RNF175: variants seen among roughly 807,000 people sequenced by gnomAD.
RNF175 encodes ring finger protein 175.
RNF175 carries 38 observed loss-of-function variants against 50.0 expected under a neutral mutation model. The observed-to-expected ratio is 0.76, with a 90% CI of 0.59 to 1.00. The LOEUF is 1.00. Ranked by LOEUF, RNF175 falls within the 50% of genes least tolerant of loss-of-function variation. The pLI is 0.00. For missense variants in RNF175, 388 were observed against 409.6 expected (o/e 0.95, Z 0.46); for synonymous variants, 155 against 146.1 (o/e 1.06, Z -0.44).
intron 3 of RNF175, among the ~76,000 whole-genome samples, chr4:153,742,628 T>C (rs983091861): frequency 6.6e-6 from 1 of 152,110 alleles, no homozygotes; most frequent in African/African-American, 2.4e-5. Context: ...ACTAGTGAGG[T>C]TGGATTCTAG....
intron 3 of RNF175, among the ~76,000 whole-genome samples, chr4:153,740,501 G>A (rs766729626): frequency 3.8e-4 from 58 of 152,020 alleles, no homozygotes; most frequent in Non-Finnish European, 4.0e-4. Flanking sequence ...CATTCAATAC[G>A]TTTATGTTAA....
At chr4:153,758,922 A>G (rs941310340) in intron 1 of RNF175, among the ~76,000 whole-genome samples, 7 of 152,312 alleles carry the variant, frequency 4.6e-5, no homozygotes, top group Non-Finnish European at 1.5e-5. Context: ...GTTAGTCAGG[A>G]GCAAGCCCTT....
intron 1 of RNF175, among the ~76,000 whole-genome samples, chr4:153,756,083 T>G (rs1056703446): frequency 6.6e-6 from 1 of 152,208 alleles, no homozygotes; most frequent in Admixed American, 6.5e-5. Flanking sequence ...GGCATTTACT[T>G]TCTTTTTTAT....
At chr4:153,723,618 T>C (rs1480791657) in intron 4 of RNF175, among the ~76,000 whole-genome samples, 160 bp from the exon 5 acceptor site, 1 of 152,264 alleles carries the variant, frequency 6.6e-6, no homozygotes, top group African/African-American at 2.4e-5. Context: ...CAGATGTATA[T>C]AGCAATAAGC....
intron 6 of RNF175, among the ~76,000 whole-genome samples, chr4:153,716,901 T>C (rs1334310373): frequency 6.6e-6 from 1 of 152,252 alleles, no homozygotes; most frequent in Non-Finnish European, 1.5e-5. Flanking sequence ...CAATTGATTA[T>C]AGATATTAAT....
At chr4:153,755,646 T>A (rs1740524504) in intron 1 of RNF175, among the ~76,000 whole-genome samples, 1 of 139,344 alleles carries the variant, frequency 7.2e-6, no homozygotes, top group Admixed American at 7.2e-5. Context: ...GGCTAGGAAA[T>A]CTCCTCACAT....
intron 8 of RNF175, among the ~76,000 whole-genome samples, chr4:153,711,891 C>A (rs1372485200): frequency 1.3e-5 from 2 of 152,120 alleles, no homozygotes; most frequent in African/African-American, 4.8e-5. Context: ...CTGATCAACT[C>A]TGTAAATCTT....
At chr4:153,750,349 C>CTACT (rs1740218868) in intron 2 of RNF175, among the ~76,000 whole-genome samples, 1 of 152,192 alleles carries the variant, frequency 6.6e-6, no homozygotes, top group African/African-American at 2.4e-5. Flanking sequence ...ATTTCTACAG[C>CTACT]TACTCCAAAG....
chr4:153,759,870 C>A lies in RNF175; in HGVS notation c.-8G>T, dbSNP rs950047847. On this transcript the variant is annotated 5_prime_UTR_variant, in exon 1 of 9. Transcript: ENST00000347063. ...CGCCGTCCCCGCGGCCATGCCTGAG[C>A]CACTGTGCCTTCTCCAGGGCACAGC... 7.0e-7 allele frequency: 1 copy of A among 1,433,948 alleles called. No individual in the cohort carries two copies. 88.8% of individuals were successfully genotyped at this position (1,433,948 alleles called of 1,614,324 possible).
intron 1 of RNF175, among the ~76,000 whole-genome samples, chr4:153,757,065 C>A (rs1740601993): frequency 6.6e-6 from 1 of 152,196 alleles, no homozygotes. Context: ...CCCCTGCACA[C>A]CCTCTGCTCC....
chr4:153,715,193 C>T (rs1737829049), intron 7 of RNF175: 1 of 376,046 alleles, frequency 2.7e-6, no homozygotes, highest in Admixed American at 3.7e-5. Flanking sequence ...CACCTCCAAA[C>T]CCCTTCTTTC....
chr4:153,718,383 G>GAC (rs141828140), intron 6 of RNF175, among the ~76,000 whole-genome samples: 32 of 150,408 alleles, frequency 2.1e-4, no homozygotes, highest in East Asian at 1.2e-3. Context: ...AGTGTCTGTG[G>GAC]ACACACACAC....
intron 3 of RNF175, 120 bp downstream of exon 3, chr4:153,748,525 A>G: frequency 1.2e-6 from 1 of 862,504 alleles, no homozygotes; most frequent in African/African-American, 1.7e-5. Flanking sequence ...GTTGAGAACC[A>G]CTGACTTAAA....
At chr4:153,711,642 T>C (rs915293722) in intron 8 of RNF175, among the ~76,000 whole-genome samples, 2 of 152,236 alleles carry the variant, frequency 1.3e-5, no homozygotes, top group African/African-American at 4.8e-5. Flanking sequence ...AGATGGTACT[T>C]GGCAGGTTGA....
At position 153,759,964 on chromosome 4, in the gene RNF175, G is replaced by A; in HGVS notation, c.-102C>T. 1 of 646,234 alleles carries A rather than the reference G, an allele frequency of 1.5e-6. No individual in the cohort carries two copies. The highest frequency in any genetic ancestry group is 2.3e-6 in the Non-Finnish European group (1 of 442,392). 40.0% of individuals were successfully genotyped at this position (646,234 alleles called of 1,614,324 possible). Reference sequence around the variant, plus strand: ...GCGGGGCCTCGGGAGCCGAGGGTGAGAGCCGGATCTGCGGCGGCGGCGGAG... The same window carrying A: ...GCGGGGCCTCGGGAGCCGAGGGTGAAAGCCGGATCTGCGGCGGCGGCGGAG... On this transcript the variant is annotated 5_prime_UTR_variant, in exon 1 of 9. Coordinates refer to ENST00000347063, the MANE Select transcript of RNF175 (RefSeq NM_173662.4).
At chr4:153,732,146 T>C (rs1036814250) in intron 3 of RNF175, among the ~76,000 whole-genome samples, 1 of 151,850 alleles carries the variant, frequency 6.6e-6, no homozygotes, top group African/African-American at 2.4e-5. Context: ...GCGTGAGAGT[T>C]GTTTGAACCT....
At chr4:153,725,245 G>A (rs923206008) in intron 4 of RNF175, among the ~76,000 whole-genome samples, 3 of 152,248 alleles carry the variant, frequency 2.0e-5, no homozygotes, top group South Asian at 2.1e-4. Flanking sequence ...GGCTTTTGGC[G>A]TCTTTCTGCC....
chr4:153,744,731 T>C (rs1044551092), intron 3 of RNF175, among the ~76,000 whole-genome samples: 1 of 152,236 alleles, frequency 6.6e-6, no homozygotes, highest in Non-Finnish European at 1.5e-5. Flanking sequence ...AGTTAAGATA[T>C]GTTTAAAGAA....
chr4:153,758,463 G>T (rs1165443336), intron 1 of RNF175, among the ~76,000 whole-genome samples: 1 of 152,196 alleles, frequency 6.6e-6, no homozygotes, highest in East Asian at 1.9e-4. Context: ...CCTGAGGGCA[G>T]CAGACTAGGC....
Sources: allele counts gnomAD v4.1 joint callset (sites outside exome capture counted in the v4.1 genomes callset), GRCh38; gene constraint gnomAD v4.1.1; transcripts MANE v1.5; gene names NCBI Gene and HGNC (gene_info 2026-07-23, HGNC 2026-07-21).